The following PCSK5 variants were observed in gnomAD, a reference collection of about 807,000 sequenced individuals.
PCSK5 encodes the protein prohormone convertase 5.
In PCSK5, 129 loss-of-function variants were observed where a neutral mutation model predicts 233.2. The ratio of observed to expected loss-of-function variants is 0.55; its 90% CI spans 0.48 to 0.64. The LOEUF is 0.64. PCSK5 is among the 30% of genes least tolerant of loss of function. The pLI, the probability that PCSK5 is intolerant of heterozygous loss-of-function variation, is 0.00. For missense variants in PCSK5, 2,076 were observed against 2,430.1 expected (o/e 0.85, Z 3.06); for synonymous variants, 825 against 879.2 (o/e 0.94, Z 1.09).
At chr9:75,939,515 T>G (rs896906901) in intron 2 of PCSK5, among the ~76,000 whole-genome samples, 7 of 152,194 alleles carry the variant, frequency 4.6e-5, no homozygotes, top group Admixed American at 1.3e-4. Flanking sequence ...TGTAGGAGAA[T>G]ATTGGATGGA....
intron 2 of PCSK5, among the ~76,000 whole-genome samples, chr9:75,961,052 T>C (rs1355065250): frequency 2.0e-5 from 3 of 152,260 alleles, no homozygotes; most frequent in Non-Finnish European, 4.4e-5. Context: ...GGAAGGAAGA[T>C]GGCTTCTTGC....
chr9:75,900,678 C>CA lies in PCSK5; in HGVS notation c.192+9321dup, dbSNP rs34003117. On this transcript the variant is annotated intron_variant, in intron 1 of 37. Coordinates refer to ENST00000674117, the MANE Select transcript of PCSK5 (RefSeq NM_001372043.1). The stretch of plus-strand genomic sequence containing the variant: ...TGGGTGACGGAGCGAGACTCTGTCT[C>CA]AAAAAAAAAAAAAAAACAAACAACT... 1.6e-3 allele frequency among the ~76,000 whole-genome samples: 166 copies of CA among 104,732 alleles called. No individual in the cohort carries two copies. In the South Asian group the frequency reaches 0.036, roughly 22 times the overall value. 68.7% of individuals were successfully genotyped at this position (104,732 alleles called of 152,430 possible).
At chr9:76,129,100 T>C (rs1339240) in intron 9 of PCSK5, among the ~76,000 whole-genome samples, 74,042 of 151,884 alleles carry the variant, frequency 0.49, 18,320 homozygotes, top group Admixed American at 0.52. Flanking sequence ...AGTAATGTTT[T>C]TACCTATCTC....
chr9:75,942,885 CTT>C (rs1393843650), intron 2 of PCSK5, among the ~76,000 whole-genome samples: 8 of 85,676 alleles, frequency 9.3e-5, no homozygotes, highest in African/African-American at 3.0e-4. Flanking sequence ...TCTTCTTCTT[CTT>C]TTTTTTTTTT....
At chr9:76,063,973 T>C (rs1162172517) in intron 5 of PCSK5, among the ~76,000 whole-genome samples, 1 of 72,328 alleles carries the variant, frequency 1.4e-5, no homozygotes. Flanking sequence ...CCCCCCCACC[T>C]CCCTCCCGGA....
At chr9:76,289,175 A>G (rs994157343) in intron 24 of PCSK5, among the ~76,000 whole-genome samples, 3 of 152,098 alleles carry the variant, frequency 2.0e-5, no homozygotes, top group African/African-American at 4.8e-5. Flanking sequence ...ACTTTTCTCA[A>G]GACAGAAAGA....
intron 5 of PCSK5, among the ~76,000 whole-genome samples, chr9:76,028,809 T>C (rs1206954391): frequency 6.6e-6 from 1 of 152,170 alleles, no homozygotes; most frequent in Non-Finnish European, 1.5e-5. Context: ...CAGTTTTGTT[T>C]CAGGGTTAAA....
At chr9:75,895,964 G>T (rs1384011336) in intron 1 of PCSK5, among the ~76,000 whole-genome samples, 3 of 152,164 alleles carry the variant, frequency 2.0e-5, no homozygotes, top group Non-Finnish European at 4.4e-5. Flanking sequence ...GATGTGGTTA[G>T]TCTGATGGGT....
intron 24 of PCSK5, among the ~76,000 whole-genome samples, chr9:76,265,544 A>G (rs1827308603): frequency 6.6e-6 from 1 of 152,180 alleles, no homozygotes; most frequent in South Asian, 2.1e-4. Context: ...ATAGATCTCT[A>G]TTGAACATTA....
At chr9:76,106,679 G>T (rs905168098) in intron 8 of PCSK5, among the ~76,000 whole-genome samples, 5 of 152,152 alleles carry the variant, frequency 3.3e-5, no homozygotes, top group Non-Finnish European at 5.9e-5. Flanking sequence ...GGAAGTCTTG[G>T]TTCATCCGTG....
intron 20 of PCSK5, among the ~76,000 whole-genome samples, chr9:76,227,102 C>T (rs934884146): frequency 1.3e-5 from 2 of 152,146 alleles, no homozygotes; most frequent in South Asian, 2.1e-4. Flanking sequence ...GTGGTTCCTG[C>T]TCATTGCTTG....
chr9:76,332,722 T>C, intron 34 of PCSK5, 112 bp downstream of exon 34: 1 of 792,370 alleles, frequency 1.3e-6, no homozygotes, highest in South Asian at 1.8e-5. Context: ...CAGGTTGAAG[T>C]CTCAGTGCTA....
chr9:75,977,041 A>C (rs1826053474), intron 2 of PCSK5, among the ~76,000 whole-genome samples: 1 of 152,154 alleles, frequency 6.6e-6, no homozygotes, highest in Non-Finnish European at 1.5e-5. Context: ...ACTTAACGTC[A>C]TAGGTTTCAT....
chr9:76,265,666 T>C (rs1319577408), intron 24 of PCSK5, among the ~76,000 whole-genome samples: 1 of 152,118 alleles, frequency 6.6e-6, no homozygotes, highest in Non-Finnish European at 1.5e-5. Flanking sequence ...TGTGGTTACA[T>C]GACAGAACAT....
intron 14 of PCSK5, among the ~76,000 whole-genome samples, chr9:76,176,202 A>G (rs1384590873): frequency 6.6e-6 from 1 of 152,228 alleles, no homozygotes; most frequent in East Asian, 1.9e-4. Flanking sequence ...TACAGTGTCA[A>G]TTGAAGCTCT....
chr9:76,275,911 A>G (rs547742246), intron 24 of PCSK5, among the ~76,000 whole-genome samples: 223 of 152,336 alleles, frequency 1.5e-3, no homozygotes, highest in Middle Eastern at 3.4e-3. Flanking sequence ...AAATTCCTTG[A>G]GGTAGGGACT....
chr9:75,950,425 G>A (rs1312755713), intron 2 of PCSK5, among the ~76,000 whole-genome samples: 2 of 152,074 alleles, frequency 1.3e-5, no homozygotes, highest in African/African-American at 2.4e-5. Flanking sequence ...TGTTTTGGAT[G>A]CTATTTGAAA....
chr9:76,343,711 A>G (rs1829901063), intron 35 of PCSK5, among the ~76,000 whole-genome samples: 3 of 152,072 alleles, frequency 2.0e-5, no homozygotes, highest in East Asian at 1.9e-4. Context: ...TTTCTGATCC[A>G]TTAGAGTCAT....
At chr9:76,203,607 C>T (rs556194399) in intron 20 of PCSK5, among the ~76,000 whole-genome samples, 2 of 152,132 alleles carry the variant, frequency 1.3e-5, no homozygotes, top group East Asian at 1.9e-4. Flanking sequence ...AGCCTGATAA[C>T]ACCTTGATTT....
Sources: allele counts gnomAD v4.1 joint callset (sites outside exome capture counted in the v4.1 genomes callset), GRCh38; gene constraint gnomAD v4.1.1; transcripts MANE v1.5; gene names NCBI Gene and HGNC (gene_info 2026-07-23, HGNC 2026-07-21).